RPSA2: variants seen among roughly 807,000 people sequenced by gnomAD.
The protein encoded by RPSA2 is small ribosomal subunit protein uS2B.
the RPSA2 span, among the ~76,000 whole-genome samples, chr19:23,863,844 C>T: frequency 0.98 from 148,988 of 152,320 alleles, 72,958 homozygotes; most frequent in Middle Eastern, 1. Flanking sequence ...GTTTATATCT[C>T]TTTCTTATCA....
the RPSA2 span, among the ~76,000 whole-genome samples, chr19:23,837,119 AG>A: frequency 6.6e-6 from 1 of 152,096 alleles, no homozygotes; most frequent in Non-Finnish European, 1.5e-5. Flanking sequence ...TTCAGGTCTT[AG>A]GTTTAAGTCC....
the RPSA2 span, chr19:23,843,288 G>T: frequency 1.1e-5 from 2 of 176,622 alleles, no homozygotes; most frequent in South Asian, 2.5e-4. Flanking sequence ...ACGTAAGCAT[G>T]AATGAAGCAG....
chr19:23,783,881 A>G, the RPSA2 span, among the ~76,000 whole-genome samples: 7 of 152,166 alleles, frequency 4.6e-5, no homozygotes, highest in South Asian at 4.1e-4. Flanking sequence ...CCCAGCATGC[A>G]GGTGATCTTA....
At chr19:23,808,415 C>T in the RPSA2 span, among the ~76,000 whole-genome samples, 9 of 151,682 alleles carry the variant, frequency 5.9e-5, no homozygotes, top group African/African-American at 1.9e-4. Flanking sequence ...TACAGGCACC[C>T]GCCACCATGC....
At chr19:23,809,024 C>T in the RPSA2 span, 1 of 190,500 alleles carries the variant, frequency 5.2e-6, no homozygotes, top group South Asian at 1.0e-4. Flanking sequence ...CAGTGTTCTT[C>T]CTTCAAATTT....
At chr19:23,805,172 C>CTTTTCT in the RPSA2 span, among the ~76,000 whole-genome samples, 17 of 58,948 alleles carry the variant, frequency 2.9e-4, 1 homozygote, top group South Asian at 1.1e-3. Context: ...CACTTTTTTT[C>CTTTTCT]TTTTTTTTTA....
the RPSA2 span, among the ~76,000 whole-genome samples, chr19:23,867,755 G>A: frequency 7.9e-5 from 12 of 151,508 alleles, no homozygotes; most frequent in Admixed American, 2.0e-4. Flanking sequence ...GCGTGAACCC[G>A]GGAGGCAGAG....
chr19:23,806,734 A>T, the RPSA2 span, among the ~76,000 whole-genome samples: 1 of 150,116 alleles, frequency 6.7e-6, no homozygotes, highest in African/African-American at 2.5e-5. Flanking sequence ...GCAGTGAGCC[A>T]AGATCGCACC....
At chr19:23,850,610 G>T in the RPSA2 span, among the ~76,000 whole-genome samples, 1 of 151,304 alleles carries the variant, frequency 6.6e-6, no homozygotes, top group Non-Finnish European at 1.5e-5. Flanking sequence ...CTCCTAGTGG[G>T]CACCCAGACA....
At chr19:23,825,872 A>G in the RPSA2 span, among the ~76,000 whole-genome samples, 1 of 152,310 alleles carries the variant, frequency 6.6e-6, no homozygotes, top group African/African-American at 2.4e-5. Context: ...TACAGGTGTG[A>G]GCCACCATGC....
the RPSA2 span, among the ~76,000 whole-genome samples, chr19:23,846,426 T>C: frequency 6.6e-6 from 1 of 152,174 alleles, no homozygotes; most frequent in African/African-American, 2.4e-5. Context: ...TGTCCTATTG[T>C]GATTTATTTA....
At chr19:23,858,424 T>C in the RPSA2 span, among the ~76,000 whole-genome samples, 3 of 152,162 alleles carry the variant, frequency 2.0e-5, no homozygotes, top group African/African-American at 4.8e-5. Flanking sequence ...AAAGAACAAC[T>C]AGAGTTTGCT....
At chr19:23,761,396 G>T in the RPSA2 span, among the ~76,000 whole-genome samples, 4 of 152,032 alleles carry the variant, frequency 2.6e-5, no homozygotes, top group Non-Finnish European at 5.9e-5. Context: ...ATTTTTTAAA[G>T]AACTGTTACA....
chr19:23,837,171 C>G, the RPSA2 span, among the ~76,000 whole-genome samples: 148,890 of 152,214 alleles, frequency 0.98, 72,911 homozygotes, highest in Middle Eastern at 1. Context: ...TAAGATGGGA[C>G]ATGAGGATCC....
chr19:23,834,366 GT>G, the RPSA2 span, among the ~76,000 whole-genome samples: 1 of 151,866 alleles, frequency 6.6e-6, no homozygotes, highest in Non-Finnish European at 1.5e-5. Context: ...GTGACTAATT[GT>G]TGCTGGACAA....
the RPSA2 span, among the ~76,000 whole-genome samples, chr19:23,820,227 CAT>C: frequency 1.4e-4 from 22 of 152,294 alleles, no homozygotes; most frequent in African/African-American, 5.3e-4. Context: ...ACAAATGGCT[CAT>C]GTGATGGCAG....
the RPSA2 span, among the ~76,000 whole-genome samples, chr19:23,783,215 C>T: frequency 6.6e-6 from 1 of 152,142 alleles, no homozygotes; most frequent in African/African-American, 2.4e-5. Context: ...CTTGGCTCAG[C>T]CTTCTGAGTA....
the RPSA2 span, among the ~76,000 whole-genome samples, chr19:23,762,390 A>T: frequency 6.6e-6 from 1 of 151,584 alleles, no homozygotes; most frequent in African/African-American, 2.4e-5. Context: ...AAAATGTCCA[A>T]ATGGGCAGGG....
the RPSA2 span, among the ~76,000 whole-genome samples, chr19:23,825,880 T>C: frequency 6.6e-6 from 1 of 152,182 alleles, no homozygotes; most frequent in Non-Finnish European, 1.5e-5. Context: ...TGAGCCACCA[T>C]GCTCAGCCCA....
Sources: allele counts gnomAD v4.1 joint callset (sites outside exome capture counted in the v4.1 genomes callset), GRCh38; gene constraint gnomAD v4.1.1; transcripts MANE v1.5; gene names NCBI Gene and HGNC (gene_info 2026-07-23, HGNC 2026-07-21).